ZNF532: variants seen among roughly 807,000 people sequenced by gnomAD.
ZNF532 encodes the protein zinc finger protein 532.
In ZNF532, 22 loss-of-function variants were observed where a neutral mutation model predicts 89.3. The ratio of observed to expected loss-of-function variants is 0.25; its 90% confidence interval spans 0.18 to 0.35. ZNF532 has a LOEUF of 0.35. Among genes scored for constraint, ZNF532 ranks in the 10% least tolerant of loss-of-function variants. The probability of loss-of-function intolerance (pLI) is 1.00; values close to 1 mark genes in which losing one functional copy is unlikely to be tolerated. For missense variants in ZNF532, 1,132 were observed against 1,643.4 expected, an observed-to-expected ratio of 0.69 and a Z score of 5.38; for synonymous variants, 606 against 649.6, an observed-to-expected ratio of 0.93 and a Z score of 1.02.
At chr18:58,878,127 C>A (rs2057584956) in intron 2 of ZNF532, among the ~76,000 whole-genome samples, 1 of 152,078 alleles carries the variant, frequency 6.6e-6, no homozygotes, top group Non-Finnish European at 1.5e-5. Flanking sequence ...TGGTGGCATG[C>A]ACCTGTATTC....
At chr18:58,945,179 A>C (rs1255305855) in intron 5 of ZNF532, among the ~76,000 whole-genome samples, 1 of 151,986 alleles carries the variant, frequency 6.6e-6, no homozygotes, top group East Asian at 1.9e-4. Flanking sequence ...CCCTGTTCTC[A>C]TGTCTTTGGC....
intron 2 of ZNF532, among the ~76,000 whole-genome samples, chr18:58,876,224 G>A (rs183125597): frequency 3.0e-4 from 45 of 152,092 alleles, no homozygotes; most frequent in African/African-American, 8.9e-4. Context: ...GTGAGCCACC[G>A]CGCCCAGCCT....
At position 58,984,525 on chromosome 18, in the gene ZNF532, T is replaced by C. The variant is rs1228771724; in HGVS notation, c.*59T>C. 3 of 1,546,996 alleles carry C rather than the reference T, an allele frequency of 1.9e-6. No individual in the cohort carries two copies. Among genetic ancestry groups the C allele is most frequent in the Middle Eastern group, 2.4e-4 (1 of 4,130 alleles). ...CATTGGAATAAAAAAGACATTTTTGTTACAAAGTTTGCAGTATAATAGAGT... is the reference window on the plus strand; with the variant it reads ...CATTGGAATAAAAAAGACATTTTTGCTACAAAGTTTGCAGTATAATAGAGT... On this transcript the variant is annotated 3_prime_UTR_variant, in exon 10 of 10. Transcript: ENST00000591808.
chr18:58,981,474 T>C lies in ZNF532; in HGVS notation c.3268T>C (p.Cys1090Arg). Reference sequence around the variant, plus strand: ...TCCTTGCCTTTCACCCCACAGGCACTGCCCAGACTCCAGACGTACCTTTAC... The same window carrying C: ...TCCTTGCCTTTCACCCCACAGGCACCGCCCAGACTCCAGACGTACCTTTAC... ...GIRKVYACSHCPDSRRTFTKR... is the reference protein window; with the variant it reads ...GIRKVYACSHRPDSRRTFTKR... The change falls in exon 9 of 10, where the codon TGC (cysteine) becomes CGC (arginine). Residue 1090 changes from cysteine (C) to arginine (R), a missense_variant. Around this residue, in one of 9 missense-constraint regions of ZNF532, gnomAD observed 415 missense variants for 604.8 expected, o/e 0.69. Coordinates refer to ENST00000591808, the MANE Select transcript of ZNF532 (RefSeq NM_001375912.1). 6.2e-7 allele frequency: 1 copy of C among 1,612,334 alleles called. No homozygotes were observed. The highest frequency in any genetic ancestry group is 8.5e-7 in the Non-Finnish European group (1 of 1,179,818).
At chr18:58,901,145 CCTT>C (rs1186587661) in intron 2 of ZNF532, among the ~76,000 whole-genome samples, 2 of 152,192 alleles carry the variant, frequency 1.3e-5, no homozygotes, top group Admixed American at 6.5e-5. Context: ...TCTTTCTTTT[CCTT>C]CTTATGCCCT....
chr18:58,955,068 T>A (rs961283981), intron 7 of ZNF532, among the ~76,000 whole-genome samples: 6 of 152,132 alleles, frequency 3.9e-5, no homozygotes, highest in African/African-American at 1.4e-4. Context: ...CTCATATTCC[T>A]GGAATATTGA....
chr18:58,931,491 CAGGGGATGACA>C (rs2061961228), intron 3 of ZNF532, among the ~76,000 whole-genome samples: 1 of 152,138 alleles, frequency 6.6e-6, no homozygotes, highest in Non-Finnish European at 1.5e-5. Flanking sequence ...TCATGGGAAA[CAGGGGATGACA>C]AGTTTTCTGT....
At chr18:58,948,670 T>C (rs2063881294) in intron 6 of ZNF532, among the ~76,000 whole-genome samples, 2 of 150,942 alleles carry the variant, frequency 1.3e-5, no homozygotes, top group Admixed American at 1.3e-4. Context: ...CAGGTTCAAG[T>C]GATTCTCCTG....
intron 2 of ZNF532, among the ~76,000 whole-genome samples, chr18:58,873,594 G>A (rs765551863): frequency 4.6e-5 from 7 of 151,954 alleles, no homozygotes; most frequent in South Asian, 2.1e-4. Flanking sequence ...TATTAAAGGC[G>A]CCTGCCACCA....
In ZNF532 at chr18:58,919,466, C is replaced by T. The variant is rs763576530; in HGVS notation, c.1179C>T (p.Ser393=). 58 of 1,614,078 alleles carry T rather than the reference C, an allele frequency of 3.6e-5. No individual in the cohort carries two copies. Among genetic ancestry groups the T allele is most frequent in the South Asian group, 6.6e-5 (6 of 91,084 alleles). ...EVDLDSGKKP[S]EQTASVMASV... ...ATCTTGACTCTGGAAAGAAACCTTC[C>T]GAGCAGACAGCGTCCGTGATGGCCT... The change falls in exon 3 of 10, where the codon TCC becomes TCT. Residue 393 remains serine, a synonymous_variant. Transcript: ENST00000591808. This position sits in a 1 kb window ranked among gnomAD's most constrained non-coding sequence, Gnocchi z 6.1.
intron 6 of ZNF532, among the ~76,000 whole-genome samples, chr18:58,948,532 A>T (rs1325912338): frequency 6.6e-6 from 1 of 150,582 alleles, no homozygotes; most frequent in African/African-American, 2.4e-5. Flanking sequence ...AATATGTGAA[A>T]ATGATGACTG....
At chr18:58,948,439 A>G (rs978769285) in intron 6 of ZNF532, among the ~76,000 whole-genome samples, 3 of 152,136 alleles carry the variant, frequency 2.0e-5, no homozygotes, top group Non-Finnish European at 4.4e-5. Context: ...TCTGCCTACT[A>G]AAGATTAGTG....
intron 6 of ZNF532, among the ~76,000 whole-genome samples, chr18:58,949,161 T>G (rs2063923190): frequency 6.6e-6 from 1 of 152,170 alleles, no homozygotes; most frequent in South Asian, 2.1e-4. Context: ...TGTTTTACTC[T>G]CCAACCCCCA....
intron 2 of ZNF532, among the ~76,000 whole-genome samples, chr18:58,874,179 CTG>C (rs2057235585): frequency 6.6e-6 from 1 of 152,198 alleles, no homozygotes; most frequent in East Asian, 1.9e-4. Flanking sequence ...TGAAAACAGA[CTG>C]TGTGTCTCCT....
In ZNF532 at chr18:58,919,669, C is replaced by G; in HGVS notation, c.1382C>G (p.Ala461Gly). The G allele has an allele frequency of 6.2e-7, 1 of 1,613,774 alleles. No individual in the cohort carries two copies. Among genetic ancestry groups the G allele is most frequent in the Non-Finnish European group, 8.5e-7 (1 of 1,179,984 alleles). ...CTCCCAGTGTCTGCTGTGAAGACGG[C>G]AGGATCCCAAGTCATTAATTTGAAG... ...AFLPVSAVKT[A>G]GSQVINLKLA... is the part of the protein sequence containing the mutation. Residue 461 changes from alanine (A) to glycine (G), a missense_variant, in exon 3 of 10, where the codon GCA becomes GGA. By Grantham distance (60) the Ala-to-Gly change is moderately conservative. This residue lies in a region of ZNF532 where 8 missense variants were observed against 41.3 expected (regional missense o/e 0.19). Transcript: ENST00000591808. The surrounding 1 kb of genome is among the most constrained non-coding windows in gnomAD (Gnocchi z 6.1).
intron 5 of ZNF532, among the ~76,000 whole-genome samples, chr18:58,945,731 A>T (rs865997358): frequency 1.0e-3 from 150 of 145,182 alleles, no homozygotes; most frequent in Non-Finnish European, 1.5e-3. Flanking sequence ...TTATTTATTT[A>T]TTTTTTTTTT....
chr18:58,981,281 C>T, intron 8 of ZNF532, 189 bp from the exon 9 acceptor site: 1 of 675,154 alleles, frequency 1.5e-6, no homozygotes. Flanking sequence ...AAATTAAAGC[C>T]ATCTAGACCT....
intron 7 of ZNF532, among the ~76,000 whole-genome samples, chr18:58,970,956 C>T (rs2066421355): frequency 6.6e-6 from 1 of 152,152 alleles, no homozygotes; most frequent in African/African-American, 2.4e-5. Context: ...TTTTCTCTGC[C>T]CAAGTGTCTG....
chr18:58,933,678 G>T (rs1023659756), intron 3 of ZNF532, among the ~76,000 whole-genome samples: 8 of 152,070 alleles, frequency 5.3e-5, no homozygotes, highest in Admixed American at 5.2e-4. Context: ...ACCATGTTTA[G>T]TGCCTATATC....
Sources: allele counts gnomAD v4.1 joint callset (sites outside exome capture counted in the v4.1 genomes callset), GRCh38; gene constraint gnomAD v4.1.1; regional missense constraint gnomAD v4.1.1; non-coding constraint Gnocchi (gnomAD v3.1); transcripts MANE v1.5; gene names NCBI Gene and HGNC (gene_info 2026-07-23, HGNC 2026-07-21).